BCL2: variants seen among roughly 807,000 people sequenced by gnomAD.
The protein encoded by BCL2 is apoptosis regulator Bcl-2.
In BCL2, 1 loss-of-function variant was observed where a neutral mutation model predicts 14.2. That is an observed-to-expected ratio of 0.07 (90% CI 0.02 to 0.33). The LOEUF (loss-of-function observed/expected upper bound fraction) is 0.33, where lower values mean the gene tolerates loss of function less well. BCL2 is among the 10% of genes least tolerant of loss of function. The pLI is 0.99. For missense variants in BCL2, 247 were observed against 305.9 expected, an observed-to-expected ratio of 0.81 and a Z score of 1.44; for synonymous variants, 151 against 137.2, an observed-to-expected ratio of 1.10 and a Z score of -0.70.
chr18:63,159,830 CAA>C (rs1914873671), intron 2 of BCL2, among the ~76,000 whole-genome samples: 1 of 152,228 alleles, frequency 6.6e-6, no homozygotes, highest in South Asian at 2.1e-4. Flanking sequence ...GCTCACCTTG[CAA>C]AGATTTCCCC....
chr18:63,172,394 G>T (rs1915242692), intron 2 of BCL2, among the ~76,000 whole-genome samples: 1 of 152,196 alleles, frequency 6.6e-6, no homozygotes, highest in Non-Finnish European at 1.5e-5. Flanking sequence ...TGGTGAGATG[G>T]ATCTGGCTTT....
chr18:63,239,563 G>A (rs796471831), intron 2 of BCL2, among the ~76,000 whole-genome samples: 9 of 152,248 alleles, frequency 5.9e-5, no homozygotes, highest in African/African-American at 1.9e-4. Context: ...CCAACATGGT[G>A]AAACCCCGTC....
Position 63,211,612 on chromosome 18 carries a change from C to T in BCL2, c.586-82853G>A, listed in dbSNP as rs558588581. ...TCTGCATTTTATTTTGGTGCATGGG[C>T]GGGGGGCTCTGGCTTCGATTTAGTC... On this transcript the variant is annotated intron_variant, in intron 2 of 2. Coordinates refer to ENST00000333681, the MANE Select transcript of BCL2 (RefSeq NM_000633.3). Among the ~76,000 whole-genome samples the T allele has an allele frequency of 1.6e-4, 25 of 152,234 alleles. No individual in the cohort carries two copies. The South Asian group carries it at 1.7e-3, about 10-fold the overall frequency.
intron 2 of BCL2, among the ~76,000 whole-genome samples, chr18:63,272,732 T>C (rs532546540): frequency 6.6e-6 from 1 of 152,356 alleles, no homozygotes; most frequent in Admixed American, 6.5e-5. Context: ...ATACAGATCA[T>C]AAATACACAC....
intron 2 of BCL2, among the ~76,000 whole-genome samples, chr18:63,273,281 G>A (rs184477719): frequency 6.0e-4 from 91 of 152,324 alleles, no homozygotes; most frequent in Non-Finnish European, 9.7e-4. Flanking sequence ...TTTCAGATCA[G>A]AGCTGGGGCT....
chr18:63,318,097 C>T lies in BCL2; in HGVS notation c.570G>A (p.Gln190=). ...YLNRHLHTWI[Q]DNGGWDAFVE... is the part of the protein sequence containing the mutation. ...GTGCACCTACCCAGCCTCCGTTATC[C>T]TGGATCCAGGTGTGCAGGTGCCGGT... Residue 190 remains glutamine, a synonymous_variant, in exon 2 of 3, where the codon CAG becomes CAA. Coordinates refer to ENST00000333681, the MANE Select transcript of BCL2 (RefSeq NM_000633.3). This position sits in a 1 kb window ranked among gnomAD's most constrained non-coding sequence, Gnocchi z 7.4. 1 of 1,614,118 alleles carries T rather than the reference C, an allele frequency of 6.2e-7. No individual in the cohort carries two copies. Among genetic ancestry groups the T allele is most frequent in the Non-Finnish European group, 8.5e-7 (1 of 1,180,034 alleles).
chr18:63,152,386 T>G (rs578111611), intron 2 of BCL2, among the ~76,000 whole-genome samples: 160 of 152,326 alleles, frequency 1.1e-3, no homozygotes, highest in South Asian at 6.8e-3. Flanking sequence ...ATTCTAGGTA[T>G]TTGAAATTTT....
At chr18:63,254,383 TAAAA>T (rs71162613) in intron 2 of BCL2, among the ~76,000 whole-genome samples, 1 of 38,412 alleles carries the variant, frequency 2.6e-5, no homozygotes, top group African/African-American at 1.1e-4. Flanking sequence ...CTGTCTTTGC[TAAAA>T]AAAAAAAAAA....
intron 2 of BCL2, among the ~76,000 whole-genome samples, chr18:63,268,675 C>A (rs1201326558): frequency 2.0e-5 from 3 of 152,200 alleles, no homozygotes; most frequent in African/African-American, 7.2e-5. Flanking sequence ...CTTAAAGCAA[C>A]TTCATTTTGG....
rs543205988 is a variant in BCL2 at position 63,128,325 on chromosome 18, G to A, written c.*300C>T. 6.7e-5 allele frequency: 18 copies of A among 268,876 alleles called. No homozygotes were observed. Among genetic ancestry groups the A allele is most frequent in the Non-Finnish European group, 9.9e-5 (14 of 140,850 alleles). 16.7% of individuals were successfully genotyped at this position (268,876 alleles called of 1,614,324 possible). A position where few individuals can be genotyped will look rare whatever the true frequency, so the allele number is the denominator to read the frequency against. The stretch of plus-strand genomic sequence containing the variant: ...AAGCGGTGCTTGGCAATTAGTGGTC[G>A]GATTTCCAAAGACAGGAGTTTTGAT... On this transcript the variant is annotated 3_prime_UTR_variant, in exon 3 of 3. Transcript: ENST00000333681.
chr18:63,240,969 G>A (rs997218376), intron 2 of BCL2, among the ~76,000 whole-genome samples: 1 of 152,240 alleles, frequency 6.6e-6, no homozygotes, highest in East Asian at 1.9e-4. Flanking sequence ...TCTATAGCAT[G>A]GGTTGGAAAA....
intron 2 of BCL2, among the ~76,000 whole-genome samples, chr18:63,294,125 C>A (rs749764162): frequency 6.6e-6 from 1 of 152,040 alleles, no homozygotes; most frequent in Non-Finnish European, 1.5e-5. Flanking sequence ...GGTATGTAGA[C>A]CAAACCTTCT....
intron 2 of BCL2, among the ~76,000 whole-genome samples, chr18:63,301,629 T>C (rs1232067542): frequency 1.3e-5 from 2 of 152,226 alleles, no homozygotes; most frequent in African/African-American, 4.8e-5. Context: ...AAGGCGCTAA[T>C]GTATTTTGCA....
At chr18:63,289,833 G>T (rs1250637065) in intron 2 of BCL2, among the ~76,000 whole-genome samples, 1 of 152,222 alleles carries the variant, frequency 6.6e-6, no homozygotes, top group Non-Finnish European at 1.5e-5. Context: ...GGCGGAGGTT[G>T]CAGTGAGCCA....
At chr18:63,152,300 T>G (rs544765617) in intron 2 of BCL2, among the ~76,000 whole-genome samples, 2 of 152,234 alleles carry the variant, frequency 1.3e-5, no homozygotes, top group Non-Finnish European at 2.9e-5. Flanking sequence ...CGGAGCCTGC[T>G]TCCTTGGGGC....
At chr18:63,173,353 G>A (rs1407068522) in intron 2 of BCL2, among the ~76,000 whole-genome samples, 2 of 152,102 alleles carry the variant, frequency 1.3e-5, no homozygotes, top group South Asian at 2.1e-4. Flanking sequence ...CAAAAACACC[G>A]ACTCTACCTG....
At chr18:63,293,932 G>C (rs1912726460) in intron 2 of BCL2, among the ~76,000 whole-genome samples, 5 of 150,990 alleles carry the variant, frequency 3.3e-5, no homozygotes, top group Admixed American at 3.3e-4. Flanking sequence ...CTGGCTACCA[G>C]AGATCTTCAC....
rs116986506 is a variant in BCL2 at position 63,290,765 on chromosome 18, T to C, written c.585+27317A>G. ...TGCAAGGCTTAAATAAGTACTTCTA[T>C]TTGGTAGAAGGCAATGGAAAAGAAT... On this transcript the variant is annotated intron_variant, in intron 2 of 2. Coordinates refer to ENST00000333681, the MANE Select transcript of BCL2 (RefSeq NM_000633.3). Among the ~76,000 whole-genome samples, 46 of 152,318 alleles carry C rather than the reference T, an allele frequency of 3.0e-4. 1 individual carries two copies. In the East Asian group the frequency reaches 7.9e-3, roughly 26 times the overall value.
chr18:63,197,430 G>A (rs1909474220), intron 2 of BCL2, among the ~76,000 whole-genome samples: 1 of 152,226 alleles, frequency 6.6e-6, no homozygotes, highest in South Asian at 2.1e-4. Flanking sequence ...TATTTCTGGT[G>A]TCATCTTCTG....
Sources: allele counts gnomAD v4.1 joint callset (sites outside exome capture counted in the v4.1 genomes callset), GRCh38; gene constraint gnomAD v4.1.1; non-coding constraint Gnocchi (gnomAD v3.1); transcripts MANE v1.5; gene names NCBI Gene and HGNC (gene_info 2026-07-23, HGNC 2026-07-21).